ZNF586: variants seen among roughly 807,000 people sequenced by gnomAD.
ZNF586 encodes zinc finger protein 586.
A neutral mutation model predicts 6.7 loss-of-function variants in ZNF586; 7 were observed. That is an observed-to-expected ratio of 1.04 (90% confidence interval 0.59 to 1.95). The LOEUF (loss-of-function observed/expected upper bound fraction) is 1.95. Ranked by LOEUF, ZNF586 falls within the 30% of genes most tolerant of loss-of-function variation. The pLI, the probability that ZNF586 is intolerant of heterozygous loss-of-function variation, is 0.00. For synonymous variants in ZNF586, 166 were observed against 168.7 expected (o/e 0.98, Z 0.12); for missense variants, 442 against 489.6 (o/e 0.90, Z 0.92).
intron 1 of ZNF586, among the ~76,000 whole-genome samples, chr19:57,771,462 C>A (rs564995471): frequency 6.6e-6 from 1 of 152,052 alleles, no homozygotes; most frequent in South Asian, 2.1e-4. Flanking sequence ...AGTGCCATTT[C>A]TCCGGTCCTT....
intron 1 of ZNF586, among the ~76,000 whole-genome samples, chr19:57,775,084 CGCCTCCT>C (rs1370399242): frequency 5.9e-5 from 9 of 151,868 alleles, no homozygotes; most frequent in Non-Finnish European, 1.2e-4. Context: ...CTGCAAGCTC[CGCCTCCT>C]GGGTTCATGA....
rs376744880 is a variant in ZNF586, at chr19:57,779,747, C to T, written c.1160C>T (p.Ser387Leu). Residue 387 changes from serine to leucine, a missense_variant, in exon 3 of 3, where the codon TCG becomes TTG. Physicochemically the swap from Ser to Leu is moderately radical, Grantham distance 145. Transcript: ENST00000396154. ...DCGKSFRHSSSFRRHQRVHTG... is the reference protein window; with the variant it reads ...DCGKSFRHSSLFRRHQRVHTG... ...GGAAAATCATTTCGCCACAGTTCTTCGTTCCGTCGCCATCAGAGAGTTCAT... is the reference window on the plus strand; with the variant it reads ...GGAAAATCATTTCGCCACAGTTCTTTGTTCCGTCGCCATCAGAGAGTTCAT... 124 of 1,610,880 alleles carry T rather than the reference C, an allele frequency of 7.7e-5. No individual in the cohort carries two copies. The highest frequency in any genetic ancestry group is 1.0e-4 in the Admixed American group (6 of 59,890).
rs141568710 is a variant in ZNF586, at chr19:57,779,840, A to G, written c.*44A>G. On this transcript the variant is annotated 3_prime_UTR_variant, in exon 3 of 3. Coordinates refer to ENST00000396154, the MANE Select transcript of ZNF586 (RefSeq NM_017652.4). The stretch of plus-strand genomic sequence containing the variant: ...TCTTGCCCAGGCTTTTTGCTCCTTC[A>G]AGGCCAGAGAGTTCACACCAGATCA... 9.9e-4 allele frequency: 1,484 copies of G among 1,504,042 alleles called. 9 individuals carry two copies. The African/African-American group carries it at 0.012, about 13-fold the overall frequency. 93.2% of individuals were successfully genotyped at this position (1,504,042 alleles called of 1,614,324 possible).
chr19:57,779,877 G>T lies in ZNF586; in HGVS notation c.*81G>T. ...TTCACACCAGATCAAGGTGTTATGA[G>T]TGTGACAAATGGGGAATATTCTTTA... On this transcript the variant is annotated 3_prime_UTR_variant, in exon 3 of 3. Transcript: ENST00000396154. The T allele has an allele frequency of 8.3e-7, 1 of 1,211,448 alleles. No homozygotes were observed. Among genetic ancestry groups the T allele is most frequent in the Non-Finnish European group, 1.2e-6 (1 of 860,970 alleles). 75.0% of individuals were successfully genotyped at this position (1,211,448 alleles called of 1,614,324 possible).
intron 1 of ZNF586, among the ~76,000 whole-genome samples, chr19:57,770,727 T>G (rs1243660679): frequency 6.6e-6 from 1 of 152,184 alleles, no homozygotes; most frequent in East Asian, 1.9e-4. Context: ...CAGACACATT[T>G]GTGAAAGCCC....
At chr19:57,774,712 T>A in intron 1 of ZNF586, 1 of 982,368 alleles carries the variant, frequency 1.0e-6, no homozygotes, top group African/African-American at 1.7e-5. Flanking sequence ...ACCATTGCTA[T>A]TGAGAAACAT....
chr19:57,779,415 A>T lies in ZNF586; in HGVS notation c.828A>T (p.Ser276=), dbSNP rs939516305. The T allele has an allele frequency of 3.7e-6, 6 of 1,611,346 alleles. No individual in the cohort carries two copies. The highest frequency in any genetic ancestry group is 1.7e-4 in the Middle Eastern group (1 of 6,058). The part of the protein sequence containing the change: ...ECGKSFRRSS[S]LLQHQRVHTR... ...GAAAATCATTTCGCCGAAGCTCTTC[A>T]CTCTTGCAGCATCAGAGAGTTCACA... Residue 276 remains serine, a synonymous_variant, in exon 3 of 3, where the codon TCA becomes TCT. Coordinates refer to ENST00000396154, the MANE Select transcript of ZNF586 (RefSeq NM_017652.4).
chr19:57,776,511 AT>A, intron 1 of ZNF586, 31 bp from the exon 2 acceptor site: 1 of 1,598,368 alleles, frequency 6.3e-7, no homozygotes. Flanking sequence ...CATAGGGGCC[AT>A]TTGTGGTTTC....
rs377012559 is a variant in ZNF586 at position 57,769,726 on chromosome 19, T to A, written c.-117T>A. ...TGGGTCTGGACGAGCTCGGGAGGAG[T>A]GGTTGTGGCCATTGCACACAGGCGG... On this transcript the variant is annotated 5_prime_UTR_variant, in exon 1 of 3. Transcript: ENST00000396154. 3.8e-3 allele frequency: 4,079 copies of A among 1,077,946 alleles called. 154 individuals carry two copies. In the South Asian group the frequency reaches 0.052, roughly 14 times the overall value. The allele number at this position is 1,077,946 out of a possible 1,614,324, so 66.8% of individuals were successfully genotyped here. A position where few individuals can be genotyped will look rare whatever the true frequency, so the allele number is the denominator to read the frequency against.
In ZNF586 at chr19:57,778,973, A is replaced by C; in HGVS notation, c.386A>C (p.Lys129Thr). 2 of 1,613,620 alleles carry C rather than the reference A, an allele frequency of 1.2e-6. No individual in the cohort carries two copies. Among genetic ancestry groups the C allele is most frequent in the Non-Finnish European group, 1.7e-6 (2 of 1,179,878 alleles). ...ERPYECSKYG[K>T]LFHQKPTLHI... is the part of the protein sequence containing the mutation. ...CCTTATGAGTGCAGCAAATATGGGAAATTATTTCACCAAAAGCCTACACTC... is the reference window on the plus strand; with the variant it reads ...CCTTATGAGTGCAGCAAATATGGGACATTATTTCACCAAAAGCCTACACTC... Residue 129 changes from lysine (K) to threonine (T), a missense_variant, in exon 3 of 3, where the codon AAA becomes ACA. Coordinates refer to ENST00000396154, the MANE Select transcript of ZNF586 (RefSeq NM_017652.4).
chr19:57,773,721 G>A (rs903269300), intron 1 of ZNF586, among the ~76,000 whole-genome samples: 3 of 152,236 alleles, frequency 2.0e-5, no homozygotes, highest in Non-Finnish European at 4.4e-5. Flanking sequence ...GTAGCTGAGG[G>A]AAGATGACAC....
intron 1 of ZNF586, among the ~76,000 whole-genome samples, chr19:57,774,499 G>A (rs943483898): frequency 6.6e-6 from 1 of 150,850 alleles, no homozygotes; most frequent in Non-Finnish European, 1.5e-5. Context: ...CTCCAGCCTG[G>A]GCAACAAGAG....
intron 1 of ZNF586, among the ~76,000 whole-genome samples, chr19:57,773,359 G>T (rs1987141894): frequency 6.6e-6 from 1 of 151,604 alleles, no homozygotes; most frequent in Admixed American, 6.6e-5. Context: ...AGGTAAGGGA[G>T]GTAAATGGCC....
At position 57,779,738 on chromosome 19, in the gene ZNF586, A is replaced by G. The variant is rs767589231; in HGVS notation, c.1151A>G (p.His384Arg). The stretch of plus-strand genomic sequence containing the variant: ...ATTGATTGTGGAAAATCATTTCGCC[A>G]CAGTTCTTCGTTCCGTCGCCATCAG... ...ECIDCGKSFR[H>R]SSSFRRHQRV... The change falls in exon 3 of 3, where the codon CAC becomes CGC. Residue 384 changes from histidine to arginine, a missense_variant. By Grantham distance (29) the His-to-Arg change is conservative. Transcript: ENST00000396154. 6.2e-7 allele frequency: 1 copy of G among 1,612,960 alleles called. No homozygotes were observed. The highest frequency in any genetic ancestry group is 1.1e-5 in the South Asian group (1 of 90,990).
chr19:57,774,646 G>C, intron 1 of ZNF586: 1 of 466,312 alleles, frequency 2.1e-6, no homozygotes, highest in Non-Finnish European at 2.7e-6. Flanking sequence ...GAAAATGCTA[G>C]TGGTTCTTTT....
rs1987338656 is a variant in ZNF586, at chr19:57,779,687, A to G, written c.1100A>G (p.His367Arg). Residue 367 changes from histidine to arginine, a missense_variant, in exon 3 of 3, where the codon CAC becomes CGC. Coordinates refer to ENST00000396154, the MANE Select transcript of ZNF586 (RefSeq NM_017652.4). ...AGCCTTATTAAACACTTGAGAGTTC[A>G]CACTGGAGAAAGGCCATATGAATGC... ...NSSLIKHLRV[H>R]TGERPYECID... 2 of 1,614,196 alleles carry G rather than the reference A, an allele frequency of 1.2e-6. No homozygotes were observed. Among genetic ancestry groups the G allele is most frequent in the Admixed American group, 1.7e-5 (1 of 60,016 alleles).
In ZNF586 at chr19:57,772,740, T is replaced by C. The variant is rs146853308; in HGVS notation, c.36+2862T>C. The stretch of plus-strand genomic sequence containing the variant: ...CACCATCCAGGAACTTCCATGTGTT[T>C]GGCTATTTGGAAGCTCCCCAGACCC... On this transcript the variant is annotated intron_variant, in intron 1 of 2. Transcript: ENST00000396154. Among the ~76,000 whole-genome samples the C allele has an allele frequency of 8.3e-3, 1,257 of 152,326 alleles. 19 individuals are homozygous for C. Among genetic ancestry groups the C allele is most frequent in the African/African-American group, 0.028 (1,174 of 41,558 alleles).
intron 2 of ZNF586, among the ~76,000 whole-genome samples, chr19:57,778,397 G>T (rs1363612511): frequency 6.6e-6 from 1 of 152,128 alleles, no homozygotes; most frequent in Non-Finnish European, 1.5e-5. Context: ...ATTCTTAACA[G>T]TCCCTGACCA....
chr19:57,771,040 G>A (rs1987083046), intron 1 of ZNF586, among the ~76,000 whole-genome samples: 1 of 151,896 alleles, frequency 6.6e-6, no homozygotes, highest in African/African-American at 2.4e-5. Context: ...GGTGGCTCAC[G>A]CCTGTAATCC....
Sources: gnomAD v4.1 joint callset for allele counts (sites outside exome capture counted in the v4.1 genomes callset) on GRCh38, gnomAD v4.1.1 for gene constraint, MANE v1.5 for transcripts, NCBI Gene and HGNC (gene_info 2026-07-23, HGNC 2026-07-21) for gene names.